POLR3G: variants seen among roughly 807,000 people sequenced by gnomAD.
POLR3G encodes RNA polymerase III subunit G.
In POLR3G, 28 loss-of-function variants were observed where a neutral mutation model predicts 30.1. That is an observed-to-expected ratio of 0.93 (90% CI 0.69 to 1.27). The LOEUF (loss-of-function observed/expected upper bound fraction) is 1.27. Ranked by LOEUF, POLR3G falls within the 50% of genes most tolerant of loss-of-function variation. The pLI is 0.00. For missense variants in POLR3G, 254 were observed against 264.6 expected, an observed-to-expected ratio of 0.96 and a Z score of 0.28; for synonymous variants, 79 against 82.5, an observed-to-expected ratio of 0.96 and a Z score of 0.23.
intron 3 of POLR3G, among the ~76,000 whole-genome samples, chr5:90,493,073 C>T (rs540503797): frequency 6.6e-6 from 1 of 152,252 alleles, no homozygotes; most frequent in South Asian, 2.1e-4. Context: ...AATCTGGGAT[C>T]AGGACGTACA....
In POLR3G at chr5:90,513,850, G is replaced by A. The variant is rs1304767687; in HGVS notation, c.*1711G>A. 1 of 152,182 alleles carries A rather than the reference G, an allele frequency of 6.6e-6. No individual in the cohort carries two copies. The highest frequency in any genetic ancestry group is 1.5e-5 in the Non-Finnish European group (1 of 68,032). 9.4% of individuals were successfully genotyped at this position (152,182 alleles called of 1,614,324 possible). On this transcript the variant is annotated 3_prime_UTR_variant, in exon 8 of 8. Coordinates refer to ENST00000651687, the MANE Select transcript of POLR3G (RefSeq NM_006467.3). Reference sequence around the variant, plus strand: ...ACCTCACAAAAAGTTGTCATTTGCGGTTGATAATTAACATAGGTGTTTTAT... The same window carrying A: ...ACCTCACAAAAAGTTGTCATTTGCGATTGATAATTAACATAGGTGTTTTAT...
intron 1 of POLR3G, among the ~76,000 whole-genome samples, chr5:90,475,560 T>G (rs1047305047): frequency 1.3e-5 from 2 of 151,916 alleles, no homozygotes; most frequent in East Asian, 3.9e-4. Context: ...GTAGAAAGGC[T>G]CAAATAAAGA....
intron 1 of POLR3G, among the ~76,000 whole-genome samples, chr5:90,481,798 A>G (rs1183185109): frequency 6.6e-6 from 1 of 152,242 alleles, no homozygotes; most frequent in Non-Finnish European, 1.5e-5. Context: ...TTAGTTCTAT[A>G]TAAGATGATG....
chr5:90,512,098 G>C lies in POLR3G; in HGVS notation c.631G>C (p.Gly211Arg), dbSNP rs1752766816. Reference sequence around the variant, plus strand: ...ATACTTTGAAGATGGAGATGATTTTGGCGCAGACAGTGATGACAACATGGA... The same window carrying C: ...ATACTTTGAAGATGGAGATGATTTTCGCGCAGACAGTGATGACAACATGGA... ...NSYFEDGDDF[G>R]ADSDDNMDEA... Residue 211 changes from glycine to arginine, a missense_variant, in exon 8 of 8, where the codon GGC becomes CGC. Transcript: ENST00000651687. The C allele has an allele frequency of 6.2e-7, 1 of 1,609,918 alleles. No individual in the cohort carries two copies. The highest frequency in any genetic ancestry group is 8.5e-7 in the Non-Finnish European group (1 of 1,176,696).
chr5:90,479,026 TAATGGGCTGACTG>T (rs1175723352), intron 1 of POLR3G, among the ~76,000 whole-genome samples: 1 of 151,974 alleles, frequency 6.6e-6, no homozygotes, highest in Non-Finnish European at 1.5e-5. Flanking sequence ...AAAGCCTTAA[TAATGGGCTGACTG>T]AATTGTCCTT....
chr5:90,479,478 AAAAC>A (rs1056556538), intron 1 of POLR3G, among the ~76,000 whole-genome samples: 14 of 152,344 alleles, frequency 9.2e-5, no homozygotes, highest in East Asian at 3.9e-4. Flanking sequence ...ATCTCGGGAA[AAAAC>A]AAACAAACAA....
At chr5:90,511,750 T>C (rs1752748040) in intron 7 of POLR3G, among the ~76,000 whole-genome samples, 2 of 152,144 alleles carry the variant, frequency 1.3e-5, no homozygotes, top group South Asian at 4.1e-4. Context: ...GTCTGTGCAT[T>C]TTTTGGGTAA....
intron 4 of POLR3G, among the ~76,000 whole-genome samples, chr5:90,496,343 C>A (rs1252875217): frequency 6.6e-6 from 1 of 152,180 alleles, no homozygotes; most frequent in Non-Finnish European, 1.5e-5. Flanking sequence ...TAGCCACAAT[C>A]ACAATTTTAA....
intron 1 of POLR3G, among the ~76,000 whole-genome samples, chr5:90,480,184 A>G (rs1227541615): frequency 6.6e-6 from 1 of 152,060 alleles, no homozygotes; most frequent in Non-Finnish European, 1.5e-5. Context: ...AAGCACTAAA[A>G]CTCCTTTATT....
Position 90,497,543 on chromosome 5 carries a change from A to G in POLR3G, c.305-113A>G, listed in dbSNP as rs185821214. The G allele has an allele frequency of 6.2e-4, 765 of 1,241,790 alleles. 5 individuals are homozygous for G. The African/African-American group carries it at 0.011, about 17-fold the overall frequency. The allele number at this position is 1,241,790 out of a possible 1,614,324, so 76.9% of individuals were successfully genotyped here. A position where few individuals can be genotyped will look rare whatever the true frequency, so the allele number is the denominator to read the frequency against. ...AGCTAAATTTGTAAAGTCAGATACT[A>G]AGGCACTTTATTGTCATTTTCTGGA... On this transcript the variant is annotated intron_variant, in intron 4 of 7. Transcript: ENST00000651687.
At chr5:90,511,756 G>T (rs1752748159) in intron 7 of POLR3G, among the ~76,000 whole-genome samples, 1 of 151,870 alleles carries the variant, frequency 6.6e-6, no homozygotes, top group African/African-American at 2.4e-5. Context: ...GCATTTTTTG[G>T]GTAAGTGTTT....
At chr5:90,477,506 A>T (rs759257543) in intron 1 of POLR3G, among the ~76,000 whole-genome samples, 1 of 152,152 alleles carries the variant, frequency 6.6e-6, no homozygotes, top group Non-Finnish European at 1.5e-5. Flanking sequence ...CATGGGAGAG[A>T]GAACAGAGCT....
At chr5:90,478,303 C>T (rs1485546592) in intron 1 of POLR3G, among the ~76,000 whole-genome samples, 2 of 152,130 alleles carry the variant, frequency 1.3e-5, no homozygotes, top group African/African-American at 4.8e-5. Flanking sequence ...ATGGAAGGGG[C>T]AATGCTACTG....
chr5:90,497,654 A>C lies in POLR3G; in HGVS notation c.305-2A>C, dbSNP rs1752055410. The stretch of plus-strand genomic sequence containing the variant: ...ATTTTTTATTTTTTATTTTATGTAC[A>C]GATTGGAGAAGACTTCCAAGAGAGA... On this transcript the variant is annotated splice_acceptor_variant, in intron 4 of 7. Coordinates refer to ENST00000651687, the MANE Select transcript of POLR3G (RefSeq NM_006467.3). LOFTEE classifies it high-confidence loss of function. 1 of 1,594,252 alleles carries C rather than the reference A, an allele frequency of 6.3e-7. No homozygotes were observed. Among genetic ancestry groups the C allele is most frequent in the Non-Finnish European group, 8.5e-7 (1 of 1,172,976 alleles).
chr5:90,500,138 C>T lies in POLR3G; in HGVS notation c.356-1768C>T, dbSNP rs3805481. Among the ~76,000 whole-genome samples the T allele has an allele frequency of 7.5e-4, 114 of 152,270 alleles. 1 individual carries two copies. The East Asian group carries it at 0.019, about 26-fold the overall frequency. ...AAACAAAGCAACAATGAAACTTTCT[C>T]ATTTTGCTCTAGTATTTTTTATTAC... is the stretch of plus-strand genomic sequence containing the variant. On this transcript the variant is annotated intron_variant, in intron 5 of 7. Transcript: ENST00000651687.
intron 1 of POLR3G, among the ~76,000 whole-genome samples, chr5:90,484,984 A>G (rs1318834087): frequency 6.6e-6 from 1 of 152,114 alleles, no homozygotes; most frequent in Admixed American, 6.5e-5. Context: ...TCATAACTTT[A>G]ATGATTTTAA....
intron 5 of POLR3G, among the ~76,000 whole-genome samples, chr5:90,499,820 T>C (rs986124465): frequency 3.0e-5 from 3 of 100,518 alleles, no homozygotes; most frequent in African/African-American, 9.2e-5. Context: ...AAAGATACAG[T>C]ATATAATCAT....
At position 90,497,587 on chromosome 5, in the gene POLR3G, A is replaced by G. The variant is rs146303930; in HGVS notation, c.305-69A>G. On this transcript the variant is annotated intron_variant, in intron 4 of 7. Transcript: ENST00000651687. ...TTCTGGACAACTGTTGTGTCCTTCA[A>G]ATAGTTATGTTCAATGCCACAAATT... 3.7e-5 allele frequency: 56 copies of G among 1,520,898 alleles called. No individual in the cohort carries two copies. In the African/African-American group the frequency reaches 7.4e-4, roughly 20 times the overall value. The allele number at this position is 1,520,898 out of a possible 1,614,324, so 94.2% of individuals were successfully genotyped here.
chr5:90,496,258 A>AC (rs1169547454), intron 4 of POLR3G, among the ~76,000 whole-genome samples: 6 of 151,840 alleles, frequency 4.0e-5, no homozygotes, highest in African/African-American at 9.7e-5. Flanking sequence ...ATGAGCCAAC[A>AC]CCCCCCACCC....
Sources: allele counts gnomAD v4.1 joint callset (sites outside exome capture counted in the v4.1 genomes callset), GRCh38; gene constraint gnomAD v4.1.1; transcripts MANE v1.5; gene names NCBI Gene and HGNC (gene_info 2026-07-23, HGNC 2026-07-21).